Variants in ADK observed in about 807,000 individuals in gnomAD.
ADK encodes the protein adenosine kinase.
In ADK, 24 loss-of-function variants were observed where a neutral mutation model predicts 44.7. That is an observed-to-expected ratio of 0.54 (90% CI 0.39 to 0.76). The LOEUF is 0.76. ADK is among the 30% of genes least tolerant of loss of function. The pLI is 0.00. For synonymous variants in ADK, 128 were observed against 142.6 expected, an observed-to-expected ratio of 0.90 and a Z score of 0.73; for missense variants, 321 against 425.1, an observed-to-expected ratio of 0.76 and a Z score of 2.15.
At chr10:74,569,373 ACTAGTTTACAGTCCCACCAACAG>A (rs1850839351) in intron 7 of ADK, among the ~76,000 whole-genome samples, 2 of 152,176 alleles carry the variant, frequency 1.3e-5, no homozygotes, top group African/African-American at 4.8e-5. Context: ...CAATGGTTGA[ACTAGTTTACAGTCCCACCAACAG>A]TGTGAAAGTG....
intron 9 of ADK, among the ~76,000 whole-genome samples, chr10:74,648,031 TGAATTGTGGA>T (rs1854116375): frequency 6.6e-6 from 1 of 152,120 alleles, no homozygotes; most frequent in South Asian, 2.1e-4. Context: ...AAATGCATTG[TGAATTGTGGA>T]GAATCTACTT....
chr10:74,436,887 T>C (rs7091715), intron 6 of ADK, among the ~76,000 whole-genome samples: 92,215 of 151,728 alleles, frequency 0.61, 30,381 homozygotes, highest in Middle Eastern at 0.78. Flanking sequence ...AAGCAATAAA[T>C]AGAAAGAAAT....
intron 4 of ADK, among the ~76,000 whole-genome samples, chr10:74,376,373 ATTAT>A (rs1842820703): frequency 6.6e-6 from 1 of 152,036 alleles, no homozygotes; most frequent in African/African-American, 2.4e-5. Context: ...TTTCATTTTA[ATTAT>A]TTATTTCATA....
intron 10 of ADK, among the ~76,000 whole-genome samples, chr10:74,674,651 G>A (rs1285556405): frequency 6.6e-6 from 1 of 152,162 alleles, no homozygotes; most frequent in African/African-American, 2.4e-5. Context: ...GGAGGCCGAA[G>A]CATGTGGATC....
chr10:74,535,483 G>A (rs1849417767), intron 7 of ADK, among the ~76,000 whole-genome samples: 1 of 151,480 alleles, frequency 6.6e-6, no homozygotes, highest in Non-Finnish European at 1.5e-5. Flanking sequence ...TTTTAAGAAA[G>A]TAAAATGAGA....
intron 3 of ADK, among the ~76,000 whole-genome samples, chr10:74,241,547 G>A (rs1297238877): frequency 1.3e-5 from 2 of 152,030 alleles, no homozygotes; most frequent in Admixed American, 6.6e-5. Context: ...TACCATGACC[G>A]GCAAATTTTT....
chr10:74,530,584 A>G (rs772565509), intron 7 of ADK: 10 of 152,218 alleles, frequency 6.6e-5, no homozygotes, highest in Non-Finnish European at 1.3e-4. Context: ...GATAAACCTG[A>G]TGATTACCCC....
At chr10:74,238,856 C>CTTTTTGTTTT (rs1845081628) in intron 3 of ADK, among the ~76,000 whole-genome samples, 1 of 88,198 alleles carries the variant, frequency 1.1e-5, no homozygotes, top group African/African-American at 4.8e-5. Flanking sequence ...TTAGCTAGTG[C>CTTTTTGTTTT]TTTTTTTTTT....
At chr10:74,176,471 A>C (rs1379866106) in intron 1 of ADK, 9 of 1,135,656 alleles carry the variant, frequency 7.9e-6, no homozygotes, top group Non-Finnish European at 8.7e-6. Flanking sequence ...GTGACTGCTA[A>C]ACCGGTTGCC....
chr10:74,413,315 G>A (rs1235589505), intron 6 of ADK, among the ~76,000 whole-genome samples: 1 of 152,096 alleles, frequency 6.6e-6, no homozygotes, highest in Non-Finnish European at 1.5e-5. Flanking sequence ...GTCTTCAATA[G>A]CATCTTCTGC....
intron 2 of ADK, among the ~76,000 whole-genome samples, chr10:74,218,455 A>T (rs1461740943): frequency 6.6e-6 from 1 of 152,226 alleles, no homozygotes; most frequent in African/African-American, 2.4e-5. Context: ...GCAGGATATT[A>T]TCCAGGAGAA....
intron 9 of ADK, among the ~76,000 whole-genome samples, chr10:74,602,134 G>T (rs953464312): frequency 2.2e-5 from 3 of 136,384 alleles, no homozygotes; most frequent in African/African-American, 5.7e-5. Flanking sequence ...AAAAAAGAAC[G>T]GAGGGCAATG....
intron 7 of ADK, among the ~76,000 whole-genome samples, chr10:74,574,185 T>TTG (rs1554883162): frequency 1.3e-5 from 2 of 150,240 alleles, no homozygotes; most frequent in Admixed American, 6.6e-5. Context: ...TTTTTTTTTT[T>TTG]GAGAAAGATT....
chr10:74,633,813 C>G (rs970927387), intron 9 of ADK, among the ~76,000 whole-genome samples: 1 of 152,192 alleles, frequency 6.6e-6, no homozygotes, highest in Non-Finnish European at 1.5e-5. Flanking sequence ...GACTCTTTCT[C>G]TAGGGCCAGC....
chr10:74,589,893 T>C (rs1473430439), intron 8 of ADK, among the ~76,000 whole-genome samples: 3 of 152,166 alleles, frequency 2.0e-5, no homozygotes, highest in Non-Finnish European at 4.4e-5. Context: ...GAGACGGAGG[T>C]AGCATAAAAT....
At chr10:74,621,378 G>T (rs1363566155) in intron 9 of ADK, among the ~76,000 whole-genome samples, 1 of 152,178 alleles carries the variant, frequency 6.6e-6, no homozygotes, top group Non-Finnish European at 1.5e-5. Flanking sequence ...TCAGTTGACT[G>T]TAGATACGTG....
chr10:74,460,900 T>C (rs530498630), intron 6 of ADK, among the ~76,000 whole-genome samples: 7 of 152,338 alleles, frequency 4.6e-5, no homozygotes, highest in African/African-American at 1.7e-4. Context: ...TTATTCAGAA[T>C]GTCTCTGTCA....
At chr10:74,308,577 A>G (rs183896545) in intron 3 of ADK, among the ~76,000 whole-genome samples, 260 of 152,340 alleles carry the variant, frequency 1.7e-3, no homozygotes, top group Middle Eastern at 3.4e-3. Context: ...TAACCTGTTT[A>G]GAATGACTTA....
At chr10:74,436,731 T>A (rs1261105868) in intron 6 of ADK, among the ~76,000 whole-genome samples, 30 of 152,114 alleles carry the variant, frequency 2.0e-4, no homozygotes, top group Admixed American at 2.0e-3. Context: ...GACCAAAAAG[T>A]GAACCTTGAC....
Sources: allele counts gnomAD v4.1 joint callset (sites outside exome capture counted in the v4.1 genomes callset), GRCh38; gene constraint gnomAD v4.1.1; transcripts MANE v1.5; gene names NCBI Gene and HGNC (gene_info 2026-07-23, HGNC 2026-07-21).